BTN3A1: variants seen among roughly 807,000 people sequenced by gnomAD.
BTN3A1 encodes the protein butyrophilin subfamily 3 member A1, also known as dJ45P21.3 (butyrophilin, subfamily 3, member A1).
BTN3A1 carries 24 observed loss-of-function variants against 43.0 expected under a neutral mutation model. The ratio of observed to expected loss-of-function variants is 0.56; its 90% CI spans 0.40 to 0.78. BTN3A1 has a LOEUF of 0.78. Among genes scored for constraint, BTN3A1 ranks in the 30% least tolerant of loss-of-function variants. The pLI, the probability that BTN3A1 is intolerant of heterozygous loss-of-function variation, is 0.00. For synonymous variants in BTN3A1, 181 were observed against 234.7 expected (o/e 0.77, Z 2.09); for missense variants, 533 against 626.2 (o/e 0.85, Z 1.59).
At position 26,409,518 on chromosome 6, in the gene BTN3A1, C is replaced by T; in HGVS notation, c.716-15C>T. Reference sequence around the variant, plus strand: ...GTGCACCGGCCCCCATGACCCACAGCCGTTGCCTTCACAGACCCCTTCTTC... The same window carrying T: ...GTGCACCGGCCCCCATGACCCACAGTCGTTGCCTTCACAGACCCCTTCTTC... On this transcript the variant is annotated splice_polypyrimidine_tract_variant and intron_variant, in intron 4 of 9. Transcript: ENST00000289361. The T allele has an allele frequency of 6.2e-7, 1 of 1,612,604 alleles. No individual in the cohort carries two copies.
intron 9 of BTN3A1, chr6:26,412,589 G>T: frequency 6.5e-7 from 1 of 1,546,556 alleles, no homozygotes; most frequent in South Asian, 1.2e-5. Flanking sequence ...CACAGAGACG[G>T]CCTTGCAGCT....
At chr6:26,413,140 T>A in intron 9 of BTN3A1, 29 bp from the exon 10 acceptor site, 1 of 1,585,966 alleles carries the variant, frequency 6.3e-7, no homozygotes, top group Non-Finnish European at 8.6e-7. Flanking sequence ...ATGGTTGACC[T>A]CATGGACACT....
Position 26,413,818 on chromosome 6 carries a change from C to T in BTN3A1, c.*126C>T. 7 of 1,581,070 alleles carry T rather than the reference C, an allele frequency of 4.4e-6. No homozygotes were observed. The highest frequency in any genetic ancestry group is 6.0e-6 in the Non-Finnish European group (7 of 1,165,588). ...TGAAGTAACTTTTCTCTGCTTCTCCCTGCCCAGCTCAGAGCTGAGGGCCTC... is the reference window on the plus strand; with the variant it reads ...TGAAGTAACTTTTCTCTGCTTCTCCTTGCCCAGCTCAGAGCTGAGGGCCTC... On this transcript the variant is annotated 3_prime_UTR_variant, in exon 10 of 10. Transcript: ENST00000289361.
In BTN3A1 at chr6:26,409,917, A is replaced by G. The variant is rs1432104349; in HGVS notation, c.937+3A>G. ...AGTGAAGCTCCTGGAGGAACTCAGT[A>G]AGTTCCCATTCCCCCAGAGACCCAG... is the stretch of plus-strand genomic sequence containing the variant. On this transcript the variant is annotated splice_donor_region_variant and intron_variant, in intron 6 of 9. Coordinates refer to ENST00000289361, the MANE Select transcript of BTN3A1 (RefSeq NM_007048.6). The G allele has an allele frequency of 1.9e-6, 3 of 1,614,052 alleles. No homozygotes were observed. The highest frequency in any genetic ancestry group is 1.7e-6 in the Non-Finnish European group (2 of 1,180,028).
In BTN3A1 at chr6:26,413,362, G is replaced by A; in HGVS notation, c.1212G>A (p.Arg404=). ...ACTGGGAGGTGGAGGTAGGGGACAGGAAAGAGTGGCATATAGGGGTGTGCA... is the reference window on the plus strand; with the variant it reads ...ACTGGGAGGTGGAGGTAGGGGACAGAAAAGAGTGGCATATAGGGGTGTGCA... ...RHYWEVEVGD[R]KEWHIGVCSK... is the part of the protein sequence containing the mutation. Residue 404 remains arginine, a synonymous_variant, in exon 10 of 10, where the codon AGG becomes AGA. Transcript: ENST00000289361. The A allele has an allele frequency of 6.2e-7, 1 of 1,614,172 alleles. No individual in the cohort carries two copies.
rs1056729085 is a variant in BTN3A1 at position 26,414,829 on chromosome 6, G to A, written c.*1137G>A. ...AGCCTCCCGAGTACTGGGAATATAG[G>A]TGCACGCCACCACACCCAACAAATT... On this transcript the variant is annotated 3_prime_UTR_variant, in exon 10 of 10. Transcript: ENST00000289361. 2 of 151,998 alleles carry A rather than the reference G, an allele frequency of 1.3e-5. No homozygotes were observed. Among genetic ancestry groups the A allele is most frequent in the African/African-American group, 4.8e-5 (2 of 41,372 alleles). The allele number at this position is 151,998 out of a possible 1,614,324, so 9.4% of individuals were successfully genotyped here.
chr6:26,413,465 A>C lies in BTN3A1; in HGVS notation c.1315A>C (p.Asn439His), dbSNP rs765933422. The C allele has an allele frequency of 1.2e-6, 2 of 1,614,130 alleles. No individual in the cohort carries two copies. Among genetic ancestry groups the C allele is most frequent in the South Asian group, 1.1e-5 (1 of 91,082 alleles). Residue 439 changes from asparagine to histidine, a missense_variant, in exon 10 of 10, where the codon AAT (asparagine) becomes CAT (histidine). By Grantham distance (68) the Asn-to-His change is moderately conservative (BLOSUM62 1). Coordinates refer to ENST00000289361, the MANE Select transcript of BTN3A1 (RefSeq NM_007048.6). ...CTGGACTATGGGGCTGACTGATGGG[A>C]ATAAGTATCGGACTCTAACTGAGCC... ...GFWTMGLTDG[N>H]KYRTLTEPRT...
rs138215264 is a variant in BTN3A1 at position 26,407,783 on chromosome 6, C to A, written c.546C>A (p.Asn182Lys). The A allele has an allele frequency of 8.0e-5, 129 of 1,614,212 alleles. 1 individual carries two copies. The East Asian group carries it at 2.8e-3, about 35-fold the overall frequency. The change falls in exon 4 of 10, where the codon AAC (asparagine) becomes AAA (lysine). Residue 182 changes from asparagine to lysine, a missense_variant. Physicochemically the swap from Asn to Lys is moderately conservative, Grantham distance 94. This residue lies in a region of BTN3A1 where 415 missense variants were observed against 427.0 expected (regional missense o/e 0.97). Coordinates refer to ENST00000289361, the MANE Select transcript of BTN3A1 (RefSeq NM_007048.6). Reference protein sequence around the residue: ...YPQPQIQWSNNKGENIPTVEA... With the variant: ...YPQPQIQWSNKKGENIPTVEA... ...AACCCCAAATACAGTGGAGCAACAA[C>A]AAGGGAGAGAACATCCCGACTGTGG...
At chr6:26,406,797 A>G (rs1204662279) in intron 3 of BTN3A1, among the ~76,000 whole-genome samples, 1 of 152,222 alleles carries the variant, frequency 6.6e-6, no homozygotes, top group African/African-American at 2.4e-5. Flanking sequence ...GAGCAGACTT[A>G]GTATATAATT....
In BTN3A1 at chr6:26,413,681, T is replaced by G; in HGVS notation, c.1531T>G (p.Cys511Gly). Residue 511 changes from cysteine (C) to glycine (G), a missense_variant, in exon 10 of 10, where the codon TGT becomes GGT. This residue lies in a region of BTN3A1 where 415 missense variants were observed against 427.0 expected (regional missense o/e 0.97). Coordinates refer to ENST00000289361, the MANE Select transcript of BTN3A1 (RefSeq NM_007048.6). The part of the protein sequence containing the change: ...LTLEPTALTI[C>G]PA ...CTTGGAGCCCACGGCCCTGACTATT[T>G]GTCCAGCGTGAAAAGAAGAAGAGAG... 1.2e-6 allele frequency: 2 copies of G among 1,613,096 alleles called. No homozygotes were observed. The highest frequency in any genetic ancestry group is 1.7e-6 in the Non-Finnish European group (2 of 1,179,662).
rs2113805021 is a variant in BTN3A1 at position 26,411,099 on chromosome 6, T to C, written c.965-10T>C. The stretch of plus-strand genomic sequence containing the variant: ...GTTCAGGTGACATCTCTATCTTTTT[T>C]TCATTGTAGGGGGAGAGAGACATTC... On this transcript the variant is annotated splice_polypyrimidine_tract_variant and intron_variant, in intron 7 of 9. Coordinates refer to ENST00000289361, the MANE Select transcript of BTN3A1 (RefSeq NM_007048.6). The C allele has an allele frequency of 2.5e-6, 4 of 1,605,750 alleles. No homozygotes were observed. The East Asian group carries it at 9.0e-5, about 36-fold the overall frequency.
Position 26,405,989 on chromosome 6 carries a change from C to G in BTN3A1, c.166C>G (p.Pro56Ala), listed in dbSNP as rs998206119. The G allele has an allele frequency of 6.2e-7, 1 of 1,610,756 alleles. No individual in the cohort carries two copies. Among genetic ancestry groups the G allele is most frequent in the Non-Finnish European group, 8.5e-7 (1 of 1,178,570 alleles). Residue 56 changes from proline (P) to alanine (A), a missense_variant, in exon 3 of 10, where the codon CCG (proline) becomes GCG (alanine). Pro to Ala is a conservative substitution (Grantham distance 27). This residue lies in a region of BTN3A1 where 56 missense variants were observed against 67.1 expected (regional missense o/e 0.83). Coordinates refer to ENST00000289361, the MANE Select transcript of BTN3A1 (RefSeq NM_007048.6). The part of the protein sequence containing the change: ...EDADLPCHLF[P>A]TMSAETMELK... ...CGCTGATCTGCCCTGTCACCTGTTCCCGACCATGAGTGCAGAGACCATGGA... is the reference window on the plus strand; with the variant it reads ...CGCTGATCTGCCCTGTCACCTGTTCGCGACCATGAGTGCAGAGACCATGGA...
intron 7 of BTN3A1, 84 bp from the exon 8 acceptor site, chr6:26,411,025 A>AAAAAAAAAAAAAAAAATT: frequency 2.5e-6 from 2 of 796,990 alleles, no homozygotes; most frequent in Non-Finnish European, 2.0e-6. Flanking sequence ...AAAAAAAAAG[A>AAAAAAAAAAAAAAAAATT]TTAGATGGAT....
rs1762014736 is a variant in BTN3A1, at chr6:26,406,184, A to G, written c.361A>G (p.Ser121Gly). 4.7e-6 allele frequency: 7 copies of G among 1,474,162 alleles called. No individual in the cohort carries two copies. Among genetic ancestry groups the G allele is most frequent in the Non-Finnish European group, 6.5e-6 (7 of 1,079,236 alleles). The allele number at this position is 1,474,162 out of a possible 1,614,324, so 91.3% of individuals were successfully genotyped here. Residue 121 changes from serine to glycine, a missense_variant, in exon 3 of 10, where the codon AGT becomes GGT. Transcript: ENST00000289361. ...LRIHNVTASDSGKYLCYFQDG... is the reference protein window; with the variant it reads ...LRIHNVTASDGGKYLCYFQDG... ...AATACACAACGTCACAGCCTCTGAC[A>G]GTGGAAAGTACTTGTGTTATTTCCA...
intron 1 of BTN3A1, 55 bp from the exon 2 acceptor site, chr6:26,405,317 G>A (rs1252977831): frequency 1.7e-6 from 1 of 586,632 alleles, no homozygotes; most frequent in Non-Finnish European, 3.0e-6. Context: ...ACAGTACAGT[G>A]AGGATTTTCT....
At position 26,413,562 on chromosome 6, in the gene BTN3A1, T is replaced by C. The variant is rs1400761145; in HGVS notation, c.1412T>C (p.Ile471Thr). The change falls in exon 10 of 10, where the codon ATC (isoleucine) becomes ACC (threonine). Residue 471 changes from isoleucine to threonine, a missense_variant. Physicochemically the swap from Ile to Thr is moderately conservative, Grantham distance 89. This residue lies in a region of BTN3A1 where 415 missense variants were observed against 427.0 expected (regional missense o/e 0.97). Transcript: ENST00000289361. ...GVFLDYETGDISFYNAVDGSH... is the reference protein window; with the variant it reads ...GVFLDYETGDTSFYNAVDGSH... Reference sequence around the variant, plus strand: ...TTCCTGGACTATGAGACTGGAGATATCTCATTCTACAATGCTGTGGATGGA... The same window carrying C: ...TTCCTGGACTATGAGACTGGAGATACCTCATTCTACAATGCTGTGGATGGA... 1.2e-6 allele frequency: 2 copies of C among 1,614,034 alleles called. No individual in the cohort carries two copies. Among genetic ancestry groups the C allele is most frequent in the Admixed American group, 1.7e-5 (1 of 59,996 alleles).
chr6:26,407,218 G>A (rs1284976745), intron 3 of BTN3A1, among the ~76,000 whole-genome samples: 1 of 152,164 alleles, frequency 6.6e-6, no homozygotes, highest in Non-Finnish European at 1.5e-5. Flanking sequence ...CTTTCTTAGT[G>A]CAATGCTTTT....
At chr6:26,409,276 G>A (rs1350147591) in intron 4 of BTN3A1, among the ~76,000 whole-genome samples, 4 of 152,182 alleles carry the variant, frequency 2.6e-5, no homozygotes, top group African/African-American at 9.7e-5. Flanking sequence ...AAAAAAATAT[G>A]TTTGATATCC....
At chr6:26,404,967 G>C (rs927537227) in intron 1 of BTN3A1, among the ~76,000 whole-genome samples, 1 of 152,174 alleles carries the variant, frequency 6.6e-6, no homozygotes, top group African/African-American at 2.4e-5. Flanking sequence ...CTTTATGAAG[G>C]GAAGAAAGAA....
Sources: gnomAD v4.1 joint callset for allele counts (sites outside exome capture counted in the v4.1 genomes callset) on GRCh38, gnomAD v4.1.1 for gene constraint, gnomAD v4.1.1 regional missense constraint, MANE v1.5 for transcripts, NCBI Gene and HGNC (gene_info 2026-07-23, HGNC 2026-07-21) for gene names.